The following NLK variants were observed in gnomAD, a reference collection of about 807,000 sequenced individuals.
The protein encoded by NLK is serine/threonine-protein kinase NLK.
Under a neutral mutation model 59.0 loss-of-function variants are expected in NLK, and 11 were observed. That is an observed-to-expected ratio of 0.19 (90% CI 0.12 to 0.31). The LOEUF is 0.31. NLK is among the 10% of genes least tolerant of loss of function. The pLI is 1.00. For synonymous variants in NLK, 235 were observed against 235.9 expected, an observed-to-expected ratio of 1.00 and a Z score of 0.03; for missense variants, 410 against 661.1, an observed-to-expected ratio of 0.62 and a Z score of 4.16.
intron 1 of NLK, among the ~76,000 whole-genome samples, chr17:28,045,132 T>C (rs962090565): frequency 6.6e-6 from 1 of 152,188 alleles, no homozygotes; most frequent in Non-Finnish European, 1.5e-5. Context: ...TTGAAGCCAT[T>C]CTAGAGGTTT....
At chr17:28,130,165 T>G (rs1235583284) in intron 2 of NLK, among the ~76,000 whole-genome samples, 1 of 152,198 alleles carries the variant, frequency 6.6e-6, no homozygotes, top group Non-Finnish European at 1.5e-5. Context: ...TTAAGGCTAA[T>G]CTCACATACT....
intron 3 of NLK, among the ~76,000 whole-genome samples, chr17:28,136,684 A>G (rs1906761843): frequency 6.6e-6 from 1 of 151,952 alleles, no homozygotes; most frequent in Non-Finnish European, 1.5e-5. Flanking sequence ...GCTTACTGCA[A>G]CCTCCACCTC....
At chr17:28,190,939 G>A (rs1237085649) in intron 8 of NLK, 82 bp from the exon 9 acceptor site, 4 of 960,734 alleles carry the variant, frequency 4.2e-6, no homozygotes, top group Non-Finnish European at 6.3e-6. Context: ...ATGTCAAGCA[G>A]TTAATGTGTC....
chr17:28,118,205 T>A (rs1012324474), intron 1 of NLK, among the ~76,000 whole-genome samples: 3 of 151,782 alleles, frequency 2.0e-5, no homozygotes, highest in African/African-American at 7.3e-5. Context: ...ATATTTAGAG[T>A]TTAGTTAGGA....
chr17:28,194,703 C>T lies in NLK; in HGVS notation c.*67C>T. On this transcript the variant is annotated 3_prime_UTR_variant, in exon 11 of 11. Coordinates refer to ENST00000407008, the MANE Select transcript of NLK (RefSeq NM_016231.5). Reference sequence around the variant, plus strand: ...CCACTGGAGTCTGGGATTTGCAATTCTGGAGGTTAATCATGCTTGTACTGT... The same window carrying T: ...CCACTGGAGTCTGGGATTTGCAATTTTGGAGGTTAATCATGCTTGTACTGT... 8.6e-7 allele frequency: 1 copy of T among 1,160,656 alleles called. No homozygotes were observed. The allele number at this position is 1,160,656 out of a possible 1,614,324, so 71.9% of individuals were successfully genotyped here. A position where few individuals can be genotyped will look rare whatever the true frequency, so the allele number is the denominator to read the frequency against.
chr17:28,152,327 C>T (rs545987992), intron 3 of NLK, among the ~76,000 whole-genome samples: 1 of 152,224 alleles, frequency 6.6e-6, no homozygotes, highest in East Asian at 1.9e-4. Flanking sequence ...CAGTTTGTTT[C>T]GTTTATAAAT....
intron 3 of NLK, among the ~76,000 whole-genome samples, chr17:28,149,172 C>G (rs917070323): frequency 2.0e-5 from 3 of 152,150 alleles, no homozygotes; most frequent in African/African-American, 7.2e-5. Flanking sequence ...ACTTAAAATC[C>G]TTTCACTTTA....
chr17:28,151,757 TTTTAAACTCTCCTTTCTTAA>T (rs1907489771), intron 3 of NLK, among the ~76,000 whole-genome samples: 1 of 152,192 alleles, frequency 6.6e-6, no homozygotes, highest in South Asian at 2.1e-4. Context: ...AGTAGCATTA[TTTTAAACTCTCCTTTCTTAA>T]ACATTATAAT....
At chr17:28,185,844 C>T (rs1381018658) in intron 8 of NLK, among the ~76,000 whole-genome samples, 1 of 151,902 alleles carries the variant, frequency 6.6e-6, no homozygotes, top group Non-Finnish European at 1.5e-5. Flanking sequence ...GGCCAGGACA[C>T]AAAGTTTTTT....
intron 8 of NLK, chr17:28,190,799 A>G (rs1035360150): frequency 2.3e-6 from 1 of 438,838 alleles, no homozygotes; most frequent in East Asian, 3.4e-5. Context: ...AGGCACTTCT[A>G]AGTACTTTGT....
chr17:28,083,022 T>A (rs1910400072), intron 1 of NLK, among the ~76,000 whole-genome samples: 1 of 152,192 alleles, frequency 6.6e-6, no homozygotes, highest in Admixed American at 6.5e-5. Flanking sequence ...GTCACATGGT[T>A]TAGAAATAAG....
intron 7 of NLK, among the ~76,000 whole-genome samples, chr17:28,179,270 C>A (rs992945812): frequency 2.6e-4 from 39 of 152,066 alleles, no homozygotes; most frequent in Non-Finnish European, 2.5e-4. Flanking sequence ...GAGACAGGGT[C>A]TCGCTCTGTC....
intron 1 of NLK, among the ~76,000 whole-genome samples, chr17:28,060,553 T>C (rs1416866702): frequency 6.6e-6 from 1 of 152,134 alleles, no homozygotes; most frequent in Non-Finnish European, 1.5e-5. Context: ...ATTACAAGCA[T>C]GAGCCACCAC....
intron 3 of NLK, among the ~76,000 whole-genome samples, chr17:28,159,051 T>A (rs1907898998): frequency 6.6e-6 from 1 of 152,054 alleles, no homozygotes; most frequent in African/African-American, 2.4e-5. Flanking sequence ...AAGATAAAAT[T>A]TGAGCAAAAC....
At chr17:28,062,838 C>A (rs1909708592) in intron 1 of NLK, among the ~76,000 whole-genome samples, 1 of 152,218 alleles carries the variant, frequency 6.6e-6, no homozygotes, top group Admixed American at 6.5e-5. Context: ...ACCTCAGCCT[C>A]CCAAAGTGTT....
intron 3 of NLK, among the ~76,000 whole-genome samples, chr17:28,145,959 G>A (rs764395372): frequency 6.6e-6 from 1 of 152,146 alleles, no homozygotes; most frequent in Non-Finnish European, 1.5e-5. Flanking sequence ...ACCCACCTCA[G>A]CCTCCCAAAG....
intron 7 of NLK, among the ~76,000 whole-genome samples, chr17:28,178,013 C>T (rs1161261977): frequency 6.6e-6 from 1 of 152,144 alleles, no homozygotes; most frequent in Non-Finnish European, 1.5e-5. Flanking sequence ...ATCGGGAAAG[C>T]AAAAGCTTTC....
At chr17:28,118,127 C>T (rs1905861918) in intron 1 of NLK, among the ~76,000 whole-genome samples, 1 of 151,958 alleles carries the variant, frequency 6.6e-6, no homozygotes, top group Non-Finnish European at 1.5e-5. Flanking sequence ...TTTTCTGAAA[C>T]AGGCAATCTA....
intron 1 of NLK, among the ~76,000 whole-genome samples, chr17:28,046,491 AC>A (rs1490217859): frequency 6.6e-6 from 1 of 152,144 alleles, no homozygotes; most frequent in Non-Finnish European, 1.5e-5. Context: ...ATACAATTTG[AC>A]CTTCTTTTTG....
Sources: gnomAD v4.1 joint callset for allele counts (sites outside exome capture counted in the v4.1 genomes callset) on GRCh38, gnomAD v4.1.1 for gene constraint, MANE v1.5 for transcripts, NCBI Gene and HGNC (gene_info 2026-07-23, HGNC 2026-07-21) for gene names.